The following NOX4 variants were observed in gnomAD, a reference collection of about 807,000 sequenced individuals.
NOX4 encodes the protein NADPH oxidase 4.
NOX4 carries 69 observed loss-of-function variants against 87.6 expected under a neutral mutation model. The observed-to-expected ratio is 0.79, with a 90% CI of 0.65 to 0.96. The LOEUF (loss-of-function observed/expected upper bound fraction) is 0.96, where lower values mean the gene tolerates loss of function less well. Ranked by LOEUF, NOX4 falls within the 40% of genes least tolerant of loss-of-function variation. The probability of loss-of-function intolerance (pLI) is 0.00; values close to 1 mark genes in which losing one functional copy is unlikely to be tolerated. For missense variants in NOX4, 680 were observed against 681.5 expected (o/e 1.00, Z 0.02); for synonymous variants, 275 against 238.2 (o/e 1.15, Z -1.42).
At chr11:89,526,022 C>T in the NOX4 span, among the ~76,000 whole-genome samples, 6 of 152,182 alleles carry the variant, frequency 3.9e-5, no homozygotes, top group South Asian at 2.1e-4. Flanking sequence ...ACCATATATA[C>T]GTGAGTCTAT....
intron 2 of NOX4, among the ~76,000 whole-genome samples, chr11:89,487,882 A>G (rs1044219734): frequency 1.3e-5 from 2 of 152,196 alleles, no homozygotes; most frequent in East Asian, 3.8e-4. Context: ...TTATTATAAG[A>G]TTAGAAAAGA....
intron 11 of NOX4, among the ~76,000 whole-genome samples, chr11:89,378,345 C>A (rs1228149060): frequency 6.6e-6 from 1 of 152,154 alleles, no homozygotes; most frequent in South Asian, 2.1e-4. Context: ...TAGGTTGAAT[C>A]CCAGTAACTG....
At chr11:89,447,617 G>A (rs1354756405) in intron 4 of NOX4, among the ~76,000 whole-genome samples, 1 of 152,168 alleles carries the variant, frequency 6.6e-6, no homozygotes, top group Non-Finnish European at 1.5e-5. Flanking sequence ...CTAGTGACTG[G>A]CAGAATGCAA....
At chr11:89,330,935 G>A (rs1945442538) in intron 17 of NOX4, among the ~76,000 whole-genome samples, 1 of 151,890 alleles carries the variant, frequency 6.6e-6, no homozygotes, top group Non-Finnish European at 1.5e-5. Context: ...AATACAAGCA[G>A]ACAGAAATTC....
rs548402363 is a variant in NOX4 at position 89,452,831 on chromosome 11, C to G, written c.154-936G>C. Among the ~76,000 whole-genome samples, 4 of 152,214 alleles carry G rather than the reference C, an allele frequency of 2.6e-5. No homozygotes were observed. In the South Asian group the frequency reaches 8.3e-4, roughly 32 times the overall value. ...CTAGGTTCAAGCTATCCTCCTGCCT[C>G]AGCCTTCTGAGTAGCTAGGACTACA... is the stretch of plus-strand genomic sequence containing the variant. On this transcript the variant is annotated intron_variant, in intron 2 of 17. Coordinates refer to ENST00000263317, the MANE Select transcript of NOX4 (RefSeq NM_016931.5).
chr11:89,421,590 T>C (rs185059703), intron 8 of NOX4, among the ~76,000 whole-genome samples: 1 of 152,156 alleles, frequency 6.6e-6, no homozygotes, highest in Admixed American at 6.6e-5. Flanking sequence ...ATTCCTGATG[T>C]TCTTCATTCT....
intron 2 of NOX4, among the ~76,000 whole-genome samples, chr11:89,486,495 C>T (rs1481908414): frequency 2.8e-5 from 4 of 142,642 alleles, no homozygotes; most frequent in Non-Finnish European, 4.6e-5. Context: ...TGTTTGTGTG[C>T]ATATATACAC....
chr11:89,366,818 T>C (rs755178394), intron 12 of NOX4, among the ~76,000 whole-genome samples: 4 of 152,098 alleles, frequency 2.6e-5, no homozygotes, highest in Non-Finnish European at 5.9e-5. Flanking sequence ...GACTGGTGAA[T>C]TCTTTATTTA....
chr11:89,416,761 AC>A (rs1452126457), intron 8 of NOX4, among the ~76,000 whole-genome samples: 1 of 152,186 alleles, frequency 6.6e-6, no homozygotes, highest in Non-Finnish European at 1.5e-5. Context: ...AAAAACATGC[AC>A]ATAAAAATAC....
chr11:89,395,847 T>G (rs1941446206), intron 11 of NOX4, among the ~76,000 whole-genome samples: 1 of 152,194 alleles, frequency 6.6e-6, no homozygotes. Flanking sequence ...GGCTCTGTTC[T>G]GTTCCATTGG....
chr11:89,571,323 C>G, the NOX4 span, among the ~76,000 whole-genome samples: 1 of 129,140 alleles, frequency 7.7e-6, no homozygotes, highest in Admixed American at 8.1e-5. Flanking sequence ...TTTTTTTTTT[C>G]GAGACGGAGT....
At chr11:89,544,663 C>T in the NOX4 span, among the ~76,000 whole-genome samples, 3 of 152,050 alleles carry the variant, frequency 2.0e-5, no homozygotes, top group Non-Finnish European at 4.4e-5. Flanking sequence ...TAGAGTCTTT[C>T]TTCATCTTTA....
chr11:89,385,067 C>A (rs954720851), intron 11 of NOX4, among the ~76,000 whole-genome samples: 12 of 152,286 alleles, frequency 7.9e-5, no homozygotes, highest in South Asian at 4.1e-4. Flanking sequence ...CCCTCCACTA[C>A]CTCTCAGCAA....
intron 12 of NOX4, among the ~76,000 whole-genome samples, chr11:89,369,915 G>C (rs1453785954): frequency 6.6e-6 from 1 of 150,444 alleles, no homozygotes; most frequent in Non-Finnish European, 1.5e-5. Flanking sequence ...GACTTACAAG[G>C]AGTTTCCAAA....
intron 7 of NOX4, among the ~76,000 whole-genome samples, chr11:89,427,104 G>A (rs1943463441): frequency 6.6e-6 from 1 of 152,152 alleles, no homozygotes; most frequent in Non-Finnish European, 1.5e-5. Flanking sequence ...TGATACCCAG[G>A]CAAACAGCAT....
intron 8 of NOX4, among the ~76,000 whole-genome samples, chr11:89,403,477 T>C (rs1385975375): frequency 1.3e-5 from 2 of 152,218 alleles, no homozygotes; most frequent in African/African-American, 2.4e-5. Flanking sequence ...GCTTTTTAAA[T>C]TATCTTTCAT....
At chr11:89,540,732 G>T in the NOX4 span, among the ~76,000 whole-genome samples, 1 of 143,782 alleles carries the variant, frequency 7.0e-6, no homozygotes, top group Non-Finnish European at 1.5e-5. Context: ...AGCTTGCAGT[G>T]AGCCGAGATC....
At chr11:89,583,328 GT>G in the NOX4 span, among the ~76,000 whole-genome samples, 1 of 152,026 alleles carries the variant, frequency 6.6e-6, no homozygotes, top group Non-Finnish European at 1.5e-5. Context: ...ATTTCCAATG[GT>G]TATTAACTAA....
the NOX4 span, among the ~76,000 whole-genome samples, chr11:89,535,234 G>A: frequency 6.6e-6 from 1 of 152,152 alleles, no homozygotes; most frequent in Non-Finnish European, 1.5e-5. Context: ...TTATGAATAT[G>A]TGTTACAGAC....
Sources: gnomAD v4.1 joint callset for allele counts (sites outside exome capture counted in the v4.1 genomes callset) on GRCh38, gnomAD v4.1.1 for gene constraint, MANE v1.5 for transcripts, NCBI Gene and HGNC (gene_info 2026-07-23, HGNC 2026-07-21) for gene names.